The following SAP130 variants were observed in gnomAD, a reference collection of about 807,000 sequenced individuals.
SAP130 encodes histone deacetylase complex subunit SAP130.
SAP130 carries 16 observed loss-of-function variants against 103.2 expected under a neutral mutation model. That is an observed-to-expected ratio of 0.16 (90% confidence interval 0.10 to 0.24). SAP130 has a LOEUF of 0.24. SAP130 is among the 10% of genes least tolerant of loss of function. The pLI, the probability that SAP130 is intolerant of heterozygous loss-of-function variation, is 1.00. For synonymous variants in SAP130, 477 were observed against 497.0 expected (o/e 0.96, Z 0.53); for missense variants, 990 against 1,359.7 (o/e 0.73, Z 4.28).
rs769402760 is a variant in SAP130, at chr2:127,955,137, G to T, written c.2271C>A (p.Val757=). 73 of 1,614,052 alleles carry T rather than the reference G, an allele frequency of 4.5e-5. No homozygotes were observed. In the Middle Eastern group the frequency reaches 6.6e-4, roughly 15 times the overall value. The part of the protein sequence containing the change: ...AVALSTIPGA[V]PITPPITTIA... ...TGGTGGTGATGGGTGGAGTGATGGG[G>T]ACCGCTCCAGGAATGGTTGAAAGGG... The change falls in exon 16 of 21, where the codon GTC becomes GTA. Residue 757 remains valine (V), a synonymous_variant. Coordinates refer to ENST00000643581, the MANE Select transcript of SAP130 (RefSeq NM_001330301.2). The surrounding 1 kb of genome is among the most constrained non-coding windows in gnomAD (Gnocchi z 4.9).
At chr2:127,968,972 G>A (rs955939186) in intron 15 of SAP130, among the ~76,000 whole-genome samples, 2 of 152,154 alleles carry the variant, frequency 1.3e-5, no homozygotes, top group Non-Finnish European at 2.9e-5. Context: ...CAGAGACTAC[G>A]CGACTCACAA....
intron 14 of SAP130, among the ~76,000 whole-genome samples, chr2:127,982,514 T>C (rs74622499): frequency 0.028 from 4,223 of 152,212 alleles, 177 homozygotes; most frequent in African/African-American, 0.093. Flanking sequence ...AAGGAGCAAT[T>C]TGTCGACTAA....
chr2:128,005,494 A>G (rs538868313), intron 7 of SAP130, among the ~76,000 whole-genome samples: 2 of 151,856 alleles, frequency 1.3e-5, no homozygotes, highest in Non-Finnish European at 2.9e-5. Context: ...GGGTGTCTGT[A>G]ATCCCAGCTA....
chr2:128,016,295 T>G, intron 4 of SAP130, 94 bp downstream of exon 4: 7 of 1,298,454 alleles, frequency 5.4e-6, no homozygotes, highest in Non-Finnish European at 7.5e-6. Context: ...TCTTTTTTTA[T>G]TACCGTGACT....
intron 15 of SAP130, among the ~76,000 whole-genome samples, chr2:127,971,580 C>T (rs1429710005): frequency 6.6e-6 from 1 of 152,190 alleles, no homozygotes. Flanking sequence ...AGCCACCGTG[C>T]CCCGCCACCC....
At chr2:127,994,241 T>C (rs1218172007) in intron 11 of SAP130, among the ~76,000 whole-genome samples, 2 of 152,004 alleles carry the variant, frequency 1.3e-5, no homozygotes, top group African/African-American at 4.8e-5. Flanking sequence ...CCTAAGAAAA[T>C]AGAAGTAGGC....
At position 128,014,934 on chromosome 2, in the gene SAP130, A is replaced by G; in HGVS notation, c.508-20T>C. 1 of 1,597,204 alleles carries G rather than the reference A, an allele frequency of 6.3e-7. No individual in the cohort carries two copies. The highest frequency in any genetic ancestry group is 2.2e-5 in the East Asian group (1 of 44,770). On this transcript the variant is annotated intron_variant, in intron 4 of 20. Coordinates refer to ENST00000643581, the MANE Select transcript of SAP130 (RefSeq NM_001330301.2). ...ATGGCCCTGAAAGAAAGAGGATAGA[A>G]CGTTATTTTTACATGTTTGCTCTTA...
chr2:128,024,084 A>C (rs1265190862), intron 2 of SAP130, among the ~76,000 whole-genome samples: 1 of 152,182 alleles, frequency 6.6e-6, no homozygotes, highest in Non-Finnish European at 1.5e-5. Context: ...GGAATTTTTT[A>C]ATCATTTATT....
At chr2:128,014,639 T>C (rs1001926207) in intron 5 of SAP130, among the ~76,000 whole-genome samples, 164 bp downstream of exon 5, 5 of 152,160 alleles carry the variant, frequency 3.3e-5, no homozygotes, top group African/African-American at 4.8e-5. Flanking sequence ...ACCTGGCCTT[T>C]TTTTCTTTTT....
intron 1 of SAP130, chr2:128,027,434 C>A: frequency 9.0e-7 from 1 of 1,116,478 alleles, no homozygotes; most frequent in Middle Eastern, 3.8e-4. Flanking sequence ...GCCAATCAGG[C>A]GCGAGCCTGG....
intron 7 of SAP130, among the ~76,000 whole-genome samples, chr2:128,006,412 T>C (rs1289844836): frequency 2.6e-5 from 4 of 152,240 alleles, no homozygotes; most frequent in African/African-American, 9.6e-5. Flanking sequence ...AATTTTACTT[T>C]TTTTCTATAC....
intron 15 of SAP130, among the ~76,000 whole-genome samples, chr2:127,958,833 A>G (rs1680033562): frequency 6.6e-6 from 1 of 151,998 alleles, no homozygotes; most frequent in Non-Finnish European, 1.5e-5. Flanking sequence ...TAAGTTTTGT[A>G]TTTTTTGTAA....
intron 15 of SAP130, among the ~76,000 whole-genome samples, chr2:127,961,513 CTTGCT>C (rs888944096): frequency 3.6e-5 from 3 of 83,572 alleles, no homozygotes; most frequent in Admixed American, 1.6e-4. Flanking sequence ...TACCTCATAC[CTTGCT>C]TTTTTTTTTT....
chr2:128,011,039 T>C (rs559448716), intron 6 of SAP130, among the ~76,000 whole-genome samples: 1 of 152,100 alleles, frequency 6.6e-6, no homozygotes, highest in South Asian at 2.1e-4. Flanking sequence ...TGCCCTACTA[T>C]TGGTACCAAT....
At chr2:127,961,046 G>A (rs1263337411) in intron 15 of SAP130, among the ~76,000 whole-genome samples, 2 of 147,170 alleles carry the variant, frequency 1.4e-5, no homozygotes, top group Non-Finnish European at 3.0e-5. Context: ...CTGGAGTACA[G>A]TGGCACGATC....
chr2:127,941,819 C>T lies in SAP130; in HGVS notation c.*187G>A. 1.7e-6 allele frequency: 1 copy of T among 587,920 alleles called. No individual in the cohort carries two copies. Among genetic ancestry groups the T allele is most frequent in the Non-Finnish European group, 2.9e-6 (1 of 340,338 alleles). 36.4% of individuals were successfully genotyped at this position (587,920 alleles called of 1,614,324 possible). On this transcript the variant is annotated 3_prime_UTR_variant, in exon 21 of 21. Coordinates refer to ENST00000643581, the MANE Select transcript of SAP130 (RefSeq NM_001330301.2). ...GGTGCACCCGAACGCAAGAAGGCAG[C>T]TCACTATGTCCAGTCAGCTCTGATC... is the stretch of plus-strand genomic sequence containing the variant.
intron 2 of SAP130, among the ~76,000 whole-genome samples, chr2:128,020,488 A>T (rs1459029606): frequency 1.3e-5 from 2 of 152,140 alleles, no homozygotes. Flanking sequence ...ACAGCTGTAG[A>T]TCTTTCATTC....
At chr2:128,014,969 T>G (rs923637844) in intron 4 of SAP130, 55 bp from the exon 5 acceptor site, 49 of 1,440,058 alleles carry the variant, frequency 3.4e-5, no homozygotes, top group Non-Finnish European at 4.3e-5. Context: ...AGCCATTGCC[T>G]CTAGGAAGTC....
chr2:127,992,710 G>A (rs955648537), intron 12 of SAP130, among the ~76,000 whole-genome samples: 21 of 152,224 alleles, frequency 1.4e-4, no homozygotes, highest in African/African-American at 4.6e-4. Context: ...ACGTCATCAT[G>A]ATGAGAGGAG....
Sources: gnomAD v4.1 joint callset for allele counts (sites outside exome capture counted in the v4.1 genomes callset) on GRCh38, gnomAD v4.1.1 for gene constraint, Gnocchi (gnomAD v3.1) non-coding constraint, MANE v1.5 for transcripts, NCBI Gene and HGNC (gene_info 2026-07-23, HGNC 2026-07-21) for gene names.